Variants in SLAIN2 observed in about 807,000 individuals in gnomAD.
The protein encoded by SLAIN2 is SLAIN motif-containing protein 2.
A neutral mutation model predicts 56.6 loss-of-function variants in SLAIN2; 31 were observed. That is an observed-to-expected ratio of 0.55 (90% CI 0.41 to 0.74). The LOEUF (loss-of-function observed/expected upper bound fraction) is 0.74, where lower values mean the gene tolerates loss of function less well. SLAIN2 is among the 30% of genes least tolerant of loss of function. SLAIN2 has a pLI of 0.00. For missense variants in SLAIN2, 777 were observed against 754.2 expected, an observed-to-expected ratio of 1.03 and a Z score of -0.35; for synonymous variants, 317 against 284.9, an observed-to-expected ratio of 1.11 and a Z score of -1.13.
rs779745952 is a variant in SLAIN2, at chr4:48,420,106, T to G, written c.1361-19T>G. The G allele has an allele frequency of 6.2e-7, 1 of 1,610,538 alleles. No individual in the cohort carries two copies. Among genetic ancestry groups the G allele is most frequent in the Non-Finnish European group, 8.5e-7 (1 of 1,177,664 alleles). On this transcript the variant is annotated intron_variant, in intron 6 of 7. Coordinates refer to ENST00000264313, the MANE Select transcript of SLAIN2 (RefSeq NM_020846.2). ...ACAGATTTCCACTCAAAAATTGGTT[T>G]TTCTTTGCCATCCCACAGTACCTTC... is the stretch of plus-strand genomic sequence containing the variant.
chr4:48,422,298 G>A lies in SLAIN2; in HGVS notation c.*221G>A. 1 of 438,292 alleles carries A rather than the reference G, an allele frequency of 2.3e-6. No homozygotes were observed. The highest frequency in any genetic ancestry group is 3.6e-4 in the Middle Eastern group (1 of 2,782). 27.2% of individuals were successfully genotyped at this position (438,292 alleles called of 1,614,324 possible). On this transcript the variant is annotated 3_prime_UTR_variant, in exon 8 of 8. Transcript: ENST00000264313. Reference sequence around the variant, plus strand: ...GGTAATCATACAATCACTCTCCATAGAATCACTTTTAGTTTTGTTTAATAG... The same window carrying A: ...GGTAATCATACAATCACTCTCCATAAAATCACTTTTAGTTTTGTTTAATAG...
chr4:48,419,544 G>T (rs192271229), intron 6 of SLAIN2, among the ~76,000 whole-genome samples: 1 of 152,314 alleles, frequency 6.6e-6, no homozygotes, highest in Admixed American at 6.5e-5. Flanking sequence ...GATTATGGGT[G>T]CATGTCACCA....
chr4:48,390,996 C>T (rs1015153726), intron 6 of SLAIN2, among the ~76,000 whole-genome samples: 5 of 152,124 alleles, frequency 3.3e-5, no homozygotes, highest in African/African-American at 1.2e-4. Flanking sequence ...CAGAAATTGC[C>T]ATACTTTCCT....
Position 48,379,686 on chromosome 4 carries a change from T to TTA in SLAIN2, c.704-4_704-3insTA. 1.4e-6 allele frequency: 2 copies of TTA among 1,420,240 alleles called. No individual in the cohort carries two copies. Among genetic ancestry groups the TTA allele is most frequent in the Non-Finnish European group, 1.8e-6 (2 of 1,081,856 alleles). 88.0% of individuals were successfully genotyped at this position (1,420,240 alleles called of 1,614,324 possible). A position where few individuals can be genotyped will look rare whatever the true frequency, so the allele number is the denominator to read the frequency against. Reference sequence around the variant, plus strand: ...TTGAATTTTTTTCTTTTTTTTTTTTTAAGGTAACTTGAAAAGCTCAGACAG... The same window carrying TTA: ...TTGAATTTTTTTCTTTTTTTTTTTTTTAAAGGTAACTTGAAAAGCTCAGACAG... On this transcript the variant is annotated splice_region_variant and splice_polypyrimidine_tract_variant and intron_variant, in intron 3 of 7. Coordinates refer to ENST00000264313, the MANE Select transcript of SLAIN2 (RefSeq NM_020846.2).
chr4:48,376,781 C>G (rs1302784573), intron 2 of SLAIN2, among the ~76,000 whole-genome samples: 1 of 151,260 alleles, frequency 6.6e-6, no homozygotes, highest in South Asian at 2.1e-4. Flanking sequence ...CGCCACCACA[C>G]CTGGCTAATT....
chr4:48,342,950 C>G (rs921358016), intron 1 of SLAIN2, among the ~76,000 whole-genome samples: 1 of 152,024 alleles, frequency 6.6e-6, no homozygotes, highest in Non-Finnish European at 1.5e-5. Flanking sequence ...AATTGTGGCC[C>G]CCCCACCTTA....
intron 1 of SLAIN2, among the ~76,000 whole-genome samples, chr4:48,350,514 G>A (rs562763046): frequency 6.6e-6 from 1 of 152,294 alleles, no homozygotes; most frequent in Admixed American, 6.5e-5. Flanking sequence ...ATTCCTTGTA[G>A]TAATTATCTG....
At chr4:48,381,932 G>A (rs1715981861) in intron 4 of SLAIN2, among the ~76,000 whole-genome samples, 1 of 152,084 alleles carries the variant, frequency 6.6e-6, no homozygotes, top group Non-Finnish European at 1.5e-5. Context: ...GGGTGTTTTC[G>A]AAGGTATCAA....
intron 6 of SLAIN2, among the ~76,000 whole-genome samples, chr4:48,395,528 G>GT (rs1305380733): frequency 6.6e-6 from 1 of 152,034 alleles, no homozygotes; most frequent in African/African-American, 2.4e-5. Flanking sequence ...TACTGCAAAT[G>GT]TTTTTGCACT....
At chr4:48,380,406 C>G (rs895430305) in intron 4 of SLAIN2, among the ~76,000 whole-genome samples, 141 of 152,202 alleles carry the variant, frequency 9.3e-4, no homozygotes, top group African/African-American at 3.0e-3. Context: ...TATCTCCTCA[C>G]TTGAGAATAC....
chr4:48,376,480 A>G (rs1309615095), intron 2 of SLAIN2, among the ~76,000 whole-genome samples: 1 of 150,686 alleles, frequency 6.6e-6, no homozygotes, highest in Non-Finnish European at 1.5e-5. Context: ...AAAAAGATTG[A>G]AGGAAGAAAT....
intron 6 of SLAIN2, among the ~76,000 whole-genome samples, chr4:48,394,025 T>G (rs1716299098): frequency 6.6e-6 from 1 of 152,122 alleles, no homozygotes; most frequent in Non-Finnish European, 1.5e-5. Flanking sequence ...AAGTCTGAGG[T>G]AAAAAATTAG....
At chr4:48,368,207 C>T (rs1388076824) in intron 1 of SLAIN2, among the ~76,000 whole-genome samples, 1 of 151,854 alleles carries the variant, frequency 6.6e-6, no homozygotes, top group East Asian at 1.9e-4. Flanking sequence ...CGCCACCACA[C>T]CTGGCTAATT....
intron 6 of SLAIN2, among the ~76,000 whole-genome samples, chr4:48,396,415 A>G (rs941945808): frequency 6.6e-6 from 1 of 152,192 alleles, no homozygotes; most frequent in Non-Finnish European, 1.5e-5. Context: ...ATTTTTAACC[A>G]GTTGAGAAAT....
rs185885043 is a variant in SLAIN2, at chr4:48,383,604, T to C, written c.1223-43T>C. ...CTAGTTAATATTTTAATTTTCTCCA[T>C]CTGAAAGAATATGATTTTTTTAAAA... On this transcript the variant is annotated intron_variant, in intron 5 of 7. Transcript: ENST00000264313. 81 of 1,449,794 alleles carry C rather than the reference T, an allele frequency of 5.6e-5. 1 individual carries two copies. The highest frequency in any genetic ancestry group is 1.5e-4 in the Admixed American group (6 of 40,756). 89.8% of individuals were successfully genotyped at this position (1,449,794 alleles called of 1,614,324 possible).
chr4:48,379,677 T>TC lies in SLAIN2; in HGVS notation c.704-13_704-12insC, dbSNP rs756362360. 1.4e-6 allele frequency: 2 copies of TC among 1,415,594 alleles called. No homozygotes were observed. The highest frequency in any genetic ancestry group is 5.6e-5 in the Admixed American group (2 of 35,446). 87.7% of individuals were successfully genotyped at this position (1,415,594 alleles called of 1,614,324 possible). On this transcript the variant is annotated splice_polypyrimidine_tract_variant and intron_variant, in intron 3 of 7. Coordinates refer to ENST00000264313, the MANE Select transcript of SLAIN2 (RefSeq NM_020846.2). ...TACCAGAGTTTGAATTTTTTTCTTT[T>TC]TTTTTTTTTAAGGTAACTTGAAAAG...
At chr4:48,364,014 G>T (rs1715434772) in intron 1 of SLAIN2, among the ~76,000 whole-genome samples, 1 of 109,180 alleles carries the variant, frequency 9.2e-6, no homozygotes, top group African/African-American at 3.2e-5. Context: ...TGGCTGCTGG[G>T]CGGAGACGCT....
intron 6 of SLAIN2, among the ~76,000 whole-genome samples, chr4:48,386,962 C>T (rs558594465): frequency 1.2e-4 from 18 of 152,246 alleles, no homozygotes; most frequent in African/African-American, 4.3e-4. Context: ...AGCATGTGAA[C>T]AGATGATCCA....
chr4:48,374,538 C>T (rs1480021076), intron 2 of SLAIN2, among the ~76,000 whole-genome samples: 2 of 152,206 alleles, frequency 1.3e-5, no homozygotes, highest in Non-Finnish European at 2.9e-5. Flanking sequence ...CTGCAACTGG[C>T]ACCCGGCCAA....
Sources: allele counts gnomAD v4.1 joint callset (sites outside exome capture counted in the v4.1 genomes callset), GRCh38; gene constraint gnomAD v4.1.1; transcripts MANE v1.5; gene names NCBI Gene and HGNC (gene_info 2026-07-23, HGNC 2026-07-21).